The following MTUS2 variants were observed in gnomAD, a reference collection of about 807,000 sequenced individuals.
The protein encoded by MTUS2 is microtubule associated scaffold protein 2, also known as microtubule-associated tumor suppressor candidate 2.
In MTUS2, 40 loss-of-function variants were observed where a neutral mutation model predicts 114.1. The ratio of observed to expected loss-of-function variants is 0.35; its 90% CI spans 0.27 to 0.46. MTUS2 has a LOEUF of 0.46. MTUS2 is among the 20% of genes least tolerant of loss of function. MTUS2 has a pLI of 1.00. For synonymous variants in MTUS2, 688 were observed against 672.0 expected (o/e 1.02, Z -0.37); for missense variants, 1,679 against 1,705.4 (o/e 0.98, Z 0.27).
At chr13:29,101,016 C>G (rs779646670) in intron 5 of MTUS2, 46 bp downstream of exon 5, 117 of 1,482,190 alleles carry the variant, frequency 7.9e-5, no homozygotes, top group Non-Finnish European at 9.8e-5. Flanking sequence ...GAATTAAAAC[C>G]GGCGCGCCTG....
chr13:29,489,264 C>T (rs1361288972), intron 11 of MTUS2, among the ~76,000 whole-genome samples: 13 of 151,532 alleles, frequency 8.6e-5, no homozygotes, highest in African/African-American at 2.7e-4. Flanking sequence ...GAAACTCCGC[C>T]TCAAAAAAAA....
intron 4 of MTUS2, among the ~76,000 whole-genome samples, chr13:29,080,772 C>T (rs985428382): frequency 6.6e-6 from 1 of 152,132 alleles, no homozygotes; most frequent in Non-Finnish European, 1.5e-5. Flanking sequence ...GTCACCCTGG[C>T]TAGAATGCAA....
At chr13:29,376,606 CAT>C (rs1304477185) in intron 8 of MTUS2, among the ~76,000 whole-genome samples, 1 of 152,094 alleles carries the variant, frequency 6.6e-6, no homozygotes, top group African/African-American at 2.4e-5. Flanking sequence ...AGGGGTGACA[CAT>C]ATTTCAATAA....
At chr13:29,427,581 G>A (rs1876643994) in intron 8 of MTUS2, among the ~76,000 whole-genome samples, 1 of 152,184 alleles carries the variant, frequency 6.6e-6, no homozygotes, top group South Asian at 2.1e-4. Flanking sequence ...TTTAAAGAAA[G>A]GTTTCCGTTT....
At chr13:29,003,662 C>T (rs564377413) in intron 2 of MTUS2, among the ~76,000 whole-genome samples, 32 of 152,276 alleles carry the variant, frequency 2.1e-4, no homozygotes, top group Non-Finnish European at 4.4e-4. Context: ...AGGGGCCAGA[C>T]TCCTTAGCAT....
chr13:28,993,233 A>G (rs369564068), intron 2 of MTUS2, among the ~76,000 whole-genome samples: 12 of 152,302 alleles, frequency 7.9e-5, no homozygotes, highest in Middle Eastern at 3.4e-3. Context: ...TCTGATTTCA[A>G]TTCTTTTTGT....
intron 9 of MTUS2, among the ~76,000 whole-genome samples, chr13:29,459,239 G>A (rs1879321021): frequency 6.6e-6 from 1 of 152,128 alleles, no homozygotes; most frequent in Non-Finnish European, 1.5e-5. Context: ...GACGGCGGGG[G>A]TATTTAAAAG....
At chr13:29,395,746 T>G (rs1345928483) in intron 8 of MTUS2, among the ~76,000 whole-genome samples, 1 of 152,208 alleles carries the variant, frequency 6.6e-6, no homozygotes, top group Non-Finnish European at 1.5e-5. Flanking sequence ...ATAGCTGTTA[T>G]GAGAAGACAA....
intron 2 of MTUS2, among the ~76,000 whole-genome samples, chr13:28,987,448 A>C (rs1427080308): frequency 6.6e-6 from 1 of 151,954 alleles, no homozygotes; most frequent in African/African-American, 2.4e-5. Context: ...TAAATGAGAG[A>C]TGAGGGAGAG....
chr13:28,948,641 A>G (rs147839627), intron 2 of MTUS2, among the ~76,000 whole-genome samples: 13 of 152,320 alleles, frequency 8.5e-5, no homozygotes, highest in African/African-American at 3.1e-4. Flanking sequence ...ATCTGTTGAA[A>G]TATCAGAGGA....
intron 8 of MTUS2, among the ~76,000 whole-genome samples, chr13:29,393,969 G>A (rs1873711658): frequency 6.6e-6 from 1 of 152,178 alleles, no homozygotes; most frequent in African/African-American, 2.4e-5. Flanking sequence ...GCAGAGGTAT[G>A]ACTTTGGACA....
chr13:29,494,025 G>C (rs1243914174), intron 12 of MTUS2, among the ~76,000 whole-genome samples: 2 of 152,218 alleles, frequency 1.3e-5, no homozygotes. Context: ...TTGGTGGTTA[G>C]AGATTTGAGT....
chr13:29,038,016 A>G (rs1400152546), intron 4 of MTUS2, among the ~76,000 whole-genome samples: 1 of 152,164 alleles, frequency 6.6e-6, no homozygotes, highest in Non-Finnish European at 1.5e-5. Flanking sequence ...ACTTCTGTCA[A>G]TTCATCAAAT....
At chr13:29,467,654 A>T (rs187822380) in intron 9 of MTUS2, among the ~76,000 whole-genome samples, 18 of 152,278 alleles carry the variant, frequency 1.2e-4, no homozygotes, top group Admixed American at 6.5e-4. Context: ...AAAACTCATA[A>T]TTATAACCAT....
At position 29,469,291 on chromosome 13, in the gene MTUS2, C is replaced by T. The variant is rs572385804; in HGVS notation, c.3185-10859C>T. Among the ~76,000 whole-genome samples the T allele has an allele frequency of 7.7e-4, 117 of 152,264 alleles. No individual in the cohort carries two copies. In the South Asian group the frequency reaches 0.012, roughly 15 times the overall value. On this transcript the variant is annotated intron_variant, in intron 9 of 15. Coordinates refer to ENST00000612955, the MANE Select transcript of MTUS2 (RefSeq NM_001033602.4). ...CCCACCCCTTCTAATCTCTCTTTAT[C>T]GGGAAACTCTGACCTGCAGGATTCA...
intron 2 of MTUS2, among the ~76,000 whole-genome samples, chr13:28,990,305 G>C (rs1162407466): frequency 3.3e-5 from 5 of 152,192 alleles, no homozygotes; most frequent in African/African-American, 4.8e-5. Flanking sequence ...GTCCTGGTTG[G>C]AGAGTGAAGG....
intron 15 of MTUS2, among the ~76,000 whole-genome samples, 177 bp from the exon 16 acceptor site, chr13:29,502,816 T>G (rs1448250433): frequency 6.6e-6 from 1 of 152,156 alleles, no homozygotes; most frequent in Non-Finnish European, 1.5e-5. Context: ...AACAGATGTG[T>G]CATTGGGCCA....
At chr13:28,924,628 G>A (rs567084412) in intron 2 of MTUS2, among the ~76,000 whole-genome samples, 2 of 152,334 alleles carry the variant, frequency 1.3e-5, no homozygotes, top group African/African-American at 4.8e-5. Flanking sequence ...ATGATGCACA[G>A]AGCTGGCACT....
At chr13:29,489,190 G>A (rs1402986823) in intron 11 of MTUS2, among the ~76,000 whole-genome samples, 2 of 152,098 alleles carry the variant, frequency 1.3e-5, no homozygotes, top group African/African-American at 2.4e-5. Context: ...AGAATCGCCT[G>A]AACCCTGGGA....
Sources: allele counts gnomAD v4.1 joint callset (sites outside exome capture counted in the v4.1 genomes callset), GRCh38; gene constraint gnomAD v4.1.1; transcripts MANE v1.5; gene names NCBI Gene and HGNC (gene_info 2026-07-23, HGNC 2026-07-21).